MKLN1: variants seen among roughly 807,000 people sequenced by gnomAD.
The protein encoded by MKLN1 is muskelin.
A neutral mutation model predicts 99.0 loss-of-function variants in MKLN1; 18 were observed. That is an observed-to-expected ratio of 0.18 (90% CI 0.13 to 0.27). The LOEUF is 0.27. Ranked by LOEUF, MKLN1 falls within the 10% of genes least tolerant of loss-of-function variation. MKLN1 has a pLI of 1.00. For synonymous variants in MKLN1, 288 were observed against 293.2 expected, an observed-to-expected ratio of 0.98 and a Z score of 0.18; for missense variants, 621 against 875.9, an observed-to-expected ratio of 0.71 and a Z score of 3.67.
chr7:131,132,035 C>A (rs1795559725), intron 1 of MKLN1, among the ~76,000 whole-genome samples: 1 of 152,166 alleles, frequency 6.6e-6, no homozygotes, highest in South Asian at 2.1e-4. Context: ...AACCTTTCCA[C>A]TTTTTACTAC....
chr7:131,480,190 C>T (rs532058622), intron 17 of MKLN1, among the ~76,000 whole-genome samples: 1 of 152,246 alleles, frequency 6.6e-6, no homozygotes, highest in South Asian at 2.1e-4. Flanking sequence ...CAGCTTTCCT[C>T]TGGTCAGTGA....
intron 3 of MKLN1, among the ~76,000 whole-genome samples, chr7:131,319,214 G>A (rs527627716): frequency 2.2e-4 from 34 of 152,220 alleles, no homozygotes; most frequent in African/African-American, 7.7e-4. Flanking sequence ...TTGGCAAACC[G>A]AATCCAGCAG....
chr7:131,185,547 C>T (rs1306983791), intron 2 of MKLN1, among the ~76,000 whole-genome samples: 1 of 151,928 alleles, frequency 6.6e-6, no homozygotes, highest in Admixed American at 6.6e-5. Flanking sequence ...CACTGCACTC[C>T]AGCCTGGGCG....
chr7:131,217,045 A>C (rs1796993275), intron 3 of MKLN1, among the ~76,000 whole-genome samples: 1 of 152,218 alleles, frequency 6.6e-6, no homozygotes, highest in African/African-American at 2.4e-5. Flanking sequence ...ATTTTAAGCA[A>C]AATAAGTGAG....
intron 1 of MKLN1, among the ~76,000 whole-genome samples, chr7:131,370,334 A>C (rs987420654): frequency 6.9e-6 from 1 of 144,058 alleles, no homozygotes; most frequent in African/African-American, 2.6e-5. Context: ...TTCCTATTCC[A>C]GTCCTTTCTG....
chr7:131,128,489 G>A (rs1011308569), intron 1 of MKLN1, among the ~76,000 whole-genome samples: 1 of 152,068 alleles, frequency 6.6e-6, no homozygotes, highest in African/African-American at 2.4e-5. Flanking sequence ...ATCCAGCCTG[G>A]GCAACATAGC....
At chr7:131,175,841 G>A (rs944668628) in intron 2 of MKLN1, among the ~76,000 whole-genome samples, 7 of 151,964 alleles carry the variant, frequency 4.6e-5, no homozygotes, top group South Asian at 2.1e-4. Context: ...TGGAGGTTGC[G>A]GTGAGCCAAG....
At chr7:131,191,126 AGGGCAGCT>A (rs1259523270) in intron 2 of MKLN1, among the ~76,000 whole-genome samples, 3 of 152,212 alleles carry the variant, frequency 2.0e-5, no homozygotes, top group Non-Finnish European at 4.4e-5. Flanking sequence ...ACACTGCCTA[AGGGCAGCT>A]GGAGGTGAGC....
chr7:131,398,055 C>CAACT (rs1269874257), intron 5 of MKLN1, among the ~76,000 whole-genome samples: 3 of 152,062 alleles, frequency 2.0e-5, no homozygotes, highest in African/African-American at 7.2e-5. Flanking sequence ...AGTCAGCTAT[C>CAACT]AACTGATTTG....
chr7:131,390,344 T>G (rs1274642722), intron 4 of MKLN1, among the ~76,000 whole-genome samples: 2 of 152,206 alleles, frequency 1.3e-5, no homozygotes, highest in African/African-American at 2.4e-5. Flanking sequence ...TCTTTTGCAC[T>G]GGGTAATGTT....
At chr7:131,368,127 GCA>G (rs1800236704) in intron 1 of MKLN1, among the ~76,000 whole-genome samples, 2 of 152,170 alleles carry the variant, frequency 1.3e-5, no homozygotes, top group Non-Finnish European at 2.9e-5. Flanking sequence ...GCTGATGTTA[GCA>G]GTCACTACCC....
At position 131,491,736 on chromosome 7, in the gene MKLN1, T is replaced by TG. The variant is rs1257789251; in HGVS notation, c.*4009dup. 1 of 152,614 alleles carries TG rather than the reference T, an allele frequency of 6.6e-6. No individual in the cohort carries two copies. Among genetic ancestry groups the TG allele is most frequent in the Non-Finnish European group, 1.5e-5 (1 of 68,026 alleles). 9.5% of individuals were successfully genotyped at this position (152,614 alleles called of 1,614,324 possible). On this transcript the variant is annotated 3_prime_UTR_variant, in exon 18 of 18. Transcript: ENST00000352689. ...AATGCTTTTTCTTTTTCTGAATAAA[T>TG]GCTGTATTAGAGGTTCTATTTATAT...
At chr7:131,457,386 CAG>C (rs1796377992) in intron 12 of MKLN1, among the ~76,000 whole-genome samples, 1 of 151,230 alleles carries the variant, frequency 6.6e-6, no homozygotes, top group East Asian at 1.9e-4. Flanking sequence ...ATTATAAAAA[CAG>C]AACCATACGG....
intron 3 of MKLN1, among the ~76,000 whole-genome samples, chr7:131,299,085 T>C (rs539882938): frequency 6.6e-6 from 1 of 152,298 alleles, no homozygotes; most frequent in Non-Finnish European, 1.5e-5. Flanking sequence ...ATGGGGTCAC[T>C]ATGAATACTG....
intron 3 of MKLN1, among the ~76,000 whole-genome samples, chr7:131,299,293 T>C (rs1184219174): frequency 6.6e-6 from 1 of 152,240 alleles, no homozygotes; most frequent in Non-Finnish European, 1.5e-5. Flanking sequence ...CTTGTTTCTC[T>C]TTTTACATTG....
At chr7:131,355,829 A>G (rs1175574366) in intron 1 of MKLN1, among the ~76,000 whole-genome samples, 1 of 151,232 alleles carries the variant, frequency 6.6e-6, no homozygotes, top group African/African-American at 2.4e-5. Context: ...CCCAGCCTTG[A>G]TATTTTTTTC....
At chr7:131,330,308 C>T (rs940458127) in intron 1 of MKLN1, among the ~76,000 whole-genome samples, 3 of 152,102 alleles carry the variant, frequency 2.0e-5, no homozygotes, top group Non-Finnish European at 4.4e-5. Context: ...TGAAATTGTC[C>T]ACAAAGTGGC....
chr7:131,327,769 CG>C, upstream of MKLN1: 5 of 1,423,258 alleles, frequency 3.5e-6, no homozygotes, highest in Non-Finnish European at 4.6e-6. Flanking sequence ...GCGCTGGGCT[CG>C]GGTAACGATG....
intron 2 of MKLN1, among the ~76,000 whole-genome samples, chr7:131,379,389 G>A (rs1001944611): frequency 1.1e-4 from 16 of 152,232 alleles, no homozygotes; most frequent in African/African-American, 3.6e-4. Context: ...AGATACTGGA[G>A]TTAAGTCAAC....
Sources: gnomAD v4.1 joint callset for allele counts (sites outside exome capture counted in the v4.1 genomes callset) on GRCh38, gnomAD v4.1.1 for gene constraint, MANE v1.5 for transcripts, NCBI Gene and HGNC (gene_info 2026-07-23, HGNC 2026-07-21) for gene names.